The following LZTFL1 variants were observed in gnomAD, a reference collection of about 807,000 sequenced individuals.
LZTFL1 encodes leucine zipper transcription factor like 1.
A neutral mutation model predicts 45.9 loss-of-function variants in LZTFL1; 25 were observed. The observed-to-expected ratio is 0.54, with a 90% CI of 0.40 to 0.76. The LOEUF (loss-of-function observed/expected upper bound fraction) is 0.76. Among genes scored for constraint, LZTFL1 ranks in the 30% least tolerant of loss-of-function variants. The pLI is 0.00. For missense variants in LZTFL1, 277 were observed against 331.1 expected (o/e 0.84, Z 1.27); for synonymous variants, 93 against 117.4 (o/e 0.79, Z 1.35).
Position 45,901,477 on chromosome 3 carries a change from T to C in LZTFL1, c.-215+11643A>G. 6.2e-7 allele frequency: 1 copy of C among 1,614,204 alleles called. No homozygotes were observed. The highest frequency in any genetic ancestry group is 1.3e-5 in the African/African-American group (1 of 75,052). ...GGGTTCTTCCTTCCCTTCGTGGTCA[T>C]GGCTTGCTGCTATACCATCATCATT... On this transcript the variant is annotated intron_variant, in intron 2 of 4. Coordinates refer to the LZTFL1 transcript ENST00000472635. This position sits in a 1 kb window ranked among gnomAD's most constrained non-coding sequence, Gnocchi z 4.3.
chr3:45,877,936 G>A (rs912699015), intron 2 of LZTFL1, among the ~76,000 whole-genome samples: 1 of 152,010 alleles, frequency 6.6e-6, no homozygotes, highest in African/African-American at 2.4e-5. Context: ...AGTAGAGACA[G>A]TGTTTCACCA....
intron 5 of LZTFL1, 106 bp from the exon 6 acceptor site, chr3:45,831,244 A>G: frequency 3.0e-6 from 2 of 659,032 alleles, no homozygotes; most frequent in Admixed American, 3.2e-5. Flanking sequence ...AAATTACATA[A>G]TAGCTCAAAA....
chr3:45,840,378 G>C (rs1285200881), intron 1 of LZTFL1, among the ~76,000 whole-genome samples: 1 of 152,150 alleles, frequency 6.6e-6, no homozygotes, highest in African/African-American at 2.4e-5. Context: ...AAATGGAATA[G>C]GTAGATATGT....
At chr3:45,828,761 G>A (rs1382958823) in intron 7 of LZTFL1, 146 bp from the exon 8 acceptor site, 1 of 691,942 alleles carries the variant, frequency 1.4e-6, no homozygotes, top group African/African-American at 1.8e-5. Context: ...CTAGGTAAGT[G>A]CCAGCCCCTT....
At chr3:45,913,167 A>G (rs1172084749) in exon 2 of LZTFL1, 3 of 1,535,464 alleles carry the variant, frequency 2.0e-6, no homozygotes, top group Non-Finnish European at 8.7e-7. Context: ...GGGCTGACTT[A>G]CAGCAAGAGC....
At chr3:45,868,002 CTCTTAATGCTATATATATA>C (rs1701605677) in intron 2 of LZTFL1, among the ~76,000 whole-genome samples, 1 of 148,626 alleles carries the variant, frequency 6.7e-6, no homozygotes, top group African/African-American at 2.5e-5. Flanking sequence ...TTAGGTATAT[CTCTTAATGCTATATATATA>C]TAATGGAAAA....
chr3:45,888,294 G>A (rs994452686), intron 2 of LZTFL1, among the ~76,000 whole-genome samples: 2 of 151,996 alleles, frequency 1.3e-5, no homozygotes, highest in Non-Finnish European at 2.9e-5. Context: ...CATGCTCTTC[G>A]GCCTTCAAGG....
chr3:45,875,669 AAAAGAAAG>A (rs141973623), intron 2 of LZTFL1, among the ~76,000 whole-genome samples: 3 of 152,088 alleles, frequency 2.0e-5, no homozygotes, highest in South Asian at 2.1e-4. Flanking sequence ...GAAACATACA[AAAAGAAAG>A]AAAGAAAGAA....
chr3:45,829,529 G>T (rs780647840), intron 7 of LZTFL1, among the ~76,000 whole-genome samples: 5 of 149,716 alleles, frequency 3.3e-5, no homozygotes, highest in Non-Finnish European at 7.4e-5. Context: ...GCTTGAGCCG[G>T]TGAGGTCAAG....
Position 45,907,886 on chromosome 3 carries a change from C to T in LZTFL1, c.-215+5234G>A, listed in dbSNP as rs138387785. Among the ~76,000 whole-genome samples, 24 of 152,318 alleles carry T rather than the reference C, an allele frequency of 1.6e-4. No homozygotes were observed. In the East Asian group the frequency reaches 3.7e-3, roughly 23 times the overall value. On this transcript the variant is annotated intron_variant, in intron 2 of 4. Coordinates refer to the LZTFL1 transcript ENST00000472635. ...GGTACAGTGCCCAGAATGAGAGCTG[C>T]GTCTCTAGCATTTGCATGATGTTAT...
At chr3:45,837,906 C>T in intron 2 of LZTFL1, 21 bp downstream of exon 2, 2 of 1,591,332 alleles carry the variant, frequency 1.3e-6, no homozygotes, top group Non-Finnish European at 1.7e-6. Context: ...ATTTGGTTTG[C>T]TTAGAGTCCT....
intron 3 of LZTFL1, among the ~76,000 whole-genome samples, chr3:45,856,297 A>G (rs570986817): frequency 1.3e-5 from 2 of 152,234 alleles, no homozygotes; most frequent in South Asian, 2.1e-4. Context: ...AGGATTCCCT[A>G]TTTAATAAAT....
rs567369146 is a variant in LZTFL1 at position 45,842,012 on chromosome 3, G to A, written c.-21C>T. ...ACCATGGCGGCAGGCAGCGGCGGCA[G>A]CCTAAAGGAACGGGAGAGGCCAGGC... On this transcript the variant is annotated 5_prime_UTR_variant, in exon 1 of 10. Transcript: ENST00000296135. 1.1e-3 allele frequency: 1,736 copies of A among 1,608,728 alleles called. 22 individuals carry two copies. In the African/African-American group the frequency reaches 0.02, roughly 18 times the overall value.
rs1280866990 is a variant in LZTFL1, at chr3:45,886,390, G to A, written c.-215+26730C>T. ...TTTCCCCTTATCCCAGCAGTTTTCA[G>A]CTTTTTGTTTCTGGTTGCAAATGAT... On this transcript the variant is annotated intron_variant, in intron 2 of 4. Transcript: ENST00000472635. The A allele has an allele frequency of 2.0e-5, 3 of 152,264 alleles. No individual in the cohort carries two copies. In the East Asian group the frequency reaches 5.8e-4, roughly 29 times the overall value. 9.4% of individuals were successfully genotyped at this position (152,264 alleles called of 1,614,324 possible).
chr3:45,899,041 C>T (rs1484533207), intron 2 of LZTFL1, among the ~76,000 whole-genome samples: 2 of 152,184 alleles, frequency 1.3e-5, no homozygotes, highest in African/African-American at 4.8e-5. Flanking sequence ...TGGCACACGC[C>T]TGTAATCCCA....
At position 45,900,943 on chromosome 3, in the gene LZTFL1, C is replaced by T; in HGVS notation, c.-215+12177G>A. On this transcript the variant is annotated intron_variant, in intron 2 of 4. Transcript: ENST00000472635. The surrounding 1 kb of genome is among the most constrained non-coding windows in gnomAD (Gnocchi z 4.7). Reference sequence around the variant, plus strand: ...AGGCAGTTTGCGAGCCATTTCCTCCCACCCTTGTACTGGCTCGTGTTCATC... The same window carrying T: ...AGGCAGTTTGCGAGCCATTTCCTCCTACCCTTGTACTGGCTCGTGTTCATC... The T allele has an allele frequency of 6.2e-7, 1 of 1,614,232 alleles. No homozygotes were observed.
chr3:45,834,540 C>G, intron 3 of LZTFL1: 3 of 344,702 alleles, frequency 8.7e-6, no homozygotes, highest in Non-Finnish European at 1.6e-5. Context: ...ATATCTACTG[C>G]TAGAAATAAA....
intron 3 of LZTFL1, among the ~76,000 whole-genome samples, chr3:45,855,928 A>G (rs555351517): frequency 6.6e-5 from 10 of 152,358 alleles, no homozygotes; most frequent in African/African-American, 2.2e-4. Context: ...AAAATATTCC[A>G]TGCTTATGGA....
chr3:45,889,129 G>T (rs1481506705), intron 2 of LZTFL1, among the ~76,000 whole-genome samples: 2 of 152,150 alleles, frequency 1.3e-5, no homozygotes, highest in African/African-American at 4.8e-5. Flanking sequence ...GGGACTACAG[G>T]GTAGGCAACC....
Sources: allele counts gnomAD v4.1 joint callset (sites outside exome capture counted in the v4.1 genomes callset), GRCh38; gene constraint gnomAD v4.1.1; non-coding constraint Gnocchi (gnomAD v3.1); transcripts MANE v1.5; gene names NCBI Gene and HGNC (gene_info 2026-07-23, HGNC 2026-07-21).